MOB3A: variants seen among roughly 807,000 people sequenced by gnomAD.
MOB3A encodes the protein MOB kinase activator 3A, also known as MOB LAK.
MOB3A carries 17 observed loss-of-function variants against 17.8 expected under a neutral mutation model. The ratio of observed to expected loss-of-function variants is 0.95; its 90% confidence interval spans 0.65 to 1.43. The LOEUF is 1.43. Among genes scored for constraint, MOB3A ranks in the 40% most tolerant of loss-of-function variants. The probability of loss-of-function intolerance (pLI) is 0.00; values close to 1 mark genes in which losing one functional copy is unlikely to be tolerated. For synonymous variants in MOB3A, 124 were observed against 133.2 expected, an observed-to-expected ratio of 0.93 and a Z score of 0.48; for missense variants, 333 against 310.8, an observed-to-expected ratio of 1.07 and a Z score of -0.54.
Position 2,076,954 on chromosome 19 carries a change from G to A in MOB3A, c.481C>T (p.Arg161Cys), listed in dbSNP as rs1179793963. ...TVRKILSRLF[R>C]VFVHVYIHHF... ...TGGATGTAGACGTGCACGAACACGC[G>A]GAACAGCCGCGACAGGATCTTCCGC... is the stretch of plus-strand genomic sequence containing the variant. The change falls in exon 4 of 5, where the codon CGC becomes TGC. Residue 161 changes from arginine to cysteine, a missense_variant. Physicochemically the swap from Arg to Cys is radical, Grantham distance 180. Transcript: ENST00000357066. The A allele has an allele frequency of 5.0e-6, 8 of 1,613,916 alleles. No individual in the cohort carries two copies. Among genetic ancestry groups the A allele is most frequent in the East Asian group, 2.2e-5 (1 of 44,888 alleles).
At chr19:2,086,785 C>G (rs2017558951) in intron 1 of MOB3A, among the ~76,000 whole-genome samples, 1 of 151,676 alleles carries the variant, frequency 6.6e-6, no homozygotes, top group South Asian at 2.1e-4. Flanking sequence ...GTGCTTTTGT[C>G]TGGTTTACAT....
In MOB3A at chr19:2,093,890, C is replaced by T. The variant is rs1337314944; in HGVS notation, c.-274+2336G>A. ...GGATTTCACTTTCTTAGTTCTCACT[C>T]TGTAATCGGTAGATCTCAGTGAGTT... On this transcript the variant is annotated intron_variant, in intron 1 of 4. Coordinates refer to ENST00000357066, the MANE Select transcript of MOB3A (RefSeq NM_130807.3). The surrounding 1 kb of genome is among the most constrained non-coding windows in gnomAD (Gnocchi z 4.6). Among the ~76,000 whole-genome samples the T allele has an allele frequency of 6.6e-6, 1 of 152,102 alleles. No homozygotes were observed. Among genetic ancestry groups the T allele is most frequent in the South Asian group, 2.1e-4 (1 of 4,826 alleles).
Position 2,078,400 on chromosome 19 carries a change from C to A in MOB3A, c.161G>T (p.Gly54Val). ...DLRLAVQLPP[G>V]EDLNDWVAVH... ...AGCCACCCAGTCGTTCAGGTCCTCG[C>A]CCGGGGGCAACTGCACGGCCAGCCG... The change falls in exon 3 of 5, where the codon GGC becomes GTC. Residue 54 changes from glycine to valine, a missense_variant. Gly to Val is a moderately radical substitution (Grantham distance 109). Transcript: ENST00000357066. 5 of 1,614,128 alleles carry A rather than the reference C, an allele frequency of 3.1e-6. No individual in the cohort carries two copies. Among genetic ancestry groups the A allele is most frequent in the Non-Finnish European group, 4.2e-6 (5 of 1,180,004 alleles).
chr19:2,076,782 C>T (rs1347518354), intron 4 of MOB3A, 29 bp downstream of exon 4: 8 of 1,608,508 alleles, frequency 5.0e-6, no homozygotes, highest in African/African-American at 1.3e-5. Flanking sequence ...CCACCGTAAC[C>T]GCACGCCCTC....
rs182760836 is a variant in MOB3A at position 2,086,202 on chromosome 19, G to A, written c.-273-874C>T. 2.7e-3 allele frequency among the ~76,000 whole-genome samples: 414 copies of A among 151,260 alleles called. 2 individuals are homozygous for A. The highest frequency in any genetic ancestry group is 8.8e-3 in the African/African-American group (361 of 41,202). On this transcript the variant is annotated intron_variant, in intron 1 of 4. Coordinates refer to ENST00000357066, the MANE Select transcript of MOB3A (RefSeq NM_130807.3). The stretch of plus-strand genomic sequence containing the variant: ...ACTACAGGTGCCCGCTACAACGCCC[G>A]ACTAATTTTGTATTTTTAGTAGAGG...
chr19:2,089,007 C>A (rs747913917), intron 1 of MOB3A, among the ~76,000 whole-genome samples: 39 of 152,178 alleles, frequency 2.6e-4, no homozygotes, highest in Non-Finnish European at 5.3e-4. Flanking sequence ...TCTGGCCATC[C>A]GTGTTTCTCC....
chr19:2,087,867 C>T (rs963462417), intron 1 of MOB3A, among the ~76,000 whole-genome samples: 2 of 152,194 alleles, frequency 1.3e-5, no homozygotes, highest in African/African-American at 2.4e-5. Flanking sequence ...AACCCAGGGC[C>T]GCAGGATCTG....
chr19:2,087,680 T>C (rs1445894836), intron 1 of MOB3A, among the ~76,000 whole-genome samples: 1 of 152,156 alleles, frequency 6.6e-6, no homozygotes, highest in Non-Finnish European at 1.5e-5. Context: ...TCGTGTCACC[T>C]AGGGGACAGT....
At chr19:2,088,249 G>C (rs1197746397) in intron 1 of MOB3A, among the ~76,000 whole-genome samples, 1 of 152,206 alleles carries the variant, frequency 6.6e-6, no homozygotes, top group East Asian at 1.9e-4. Flanking sequence ...ACAGTGCCGA[G>C]GGGGACAAAG....
intron 1 of MOB3A, among the ~76,000 whole-genome samples, chr19:2,088,073 G>A (rs1021492713): frequency 5.3e-5 from 8 of 152,186 alleles, no homozygotes; most frequent in Non-Finnish European, 8.8e-5. Context: ...CCTGGGGGGC[G>A]ATTCTGCACC....
rs1032462698 is a variant in MOB3A, at chr19:2,093,435, G to A, written c.-274+2791C>T. ...GACTTCAGAAACGGGATTCTGGGAG[G>A]AGGCCTTCACTTCTGCCTTTCGGAA... On this transcript the variant is annotated intron_variant, in intron 1 of 4. Coordinates refer to ENST00000357066, the MANE Select transcript of MOB3A (RefSeq NM_130807.3). The surrounding 1 kb of genome is among the most constrained non-coding windows in gnomAD (Gnocchi z 4.6). Among the ~76,000 whole-genome samples the A allele has an allele frequency of 3.3e-5, 5 of 152,162 alleles. No individual in the cohort carries two copies.
At chr19:2,087,589 A>G (rs2017567747) in intron 1 of MOB3A, among the ~76,000 whole-genome samples, 1 of 152,232 alleles carries the variant, frequency 6.6e-6, no homozygotes, top group African/African-American at 2.4e-5. Context: ...CAGGAGATCA[A>G]GGCTGCAGTG....
chr19:2,077,972 ATGGGATC>A (rs1470330892), intron 3 of MOB3A, among the ~76,000 whole-genome samples, 161 bp downstream of exon 3: 1 of 151,884 alleles, frequency 6.6e-6, no homozygotes, highest in East Asian at 1.9e-4. Flanking sequence ...TTTTGTAGAG[ATGGGATC>A]TTGCTATGTT....
chr19:2,076,911 G>A lies in MOB3A; in HGVS notation c.524C>T (p.Ala175Val), dbSNP rs762563833. ...HVYIHHFDRI[A>V]QMGSEAHVNT... ...CACGTGGGCCTCGGAGCCCATCTGC[G>A]CGATGCGGTCAAAGTGGTGGATGTA... is the stretch of plus-strand genomic sequence containing the variant. Residue 175 changes from alanine (A) to valine (V), a missense_variant, in exon 4 of 5, where the codon GCG (alanine) becomes GTG (valine). Physicochemically the swap from Ala to Val is moderately conservative, Grantham distance 64. Transcript: ENST00000357066. The A allele has an allele frequency of 5.6e-6, 9 of 1,613,998 alleles. No individual in the cohort carries two copies. The highest frequency in any genetic ancestry group is 3.3e-5 in the Admixed American group (2 of 60,008).
At chr19:2,077,407 A>AAAAAAAG (rs1340151857) in intron 3 of MOB3A, among the ~76,000 whole-genome samples, 1 of 152,030 alleles carries the variant, frequency 6.6e-6, no homozygotes, top group African/African-American at 2.4e-5. Flanking sequence ...GTCTCAAAAA[A>AAAAAAAG]AAAAAGAAAA....
At position 2,093,456 on chromosome 19, in the gene MOB3A, C is replaced by T. The variant is rs1233879303; in HGVS notation, c.-274+2770G>A. Among the ~76,000 whole-genome samples, 2 of 152,180 alleles carry T rather than the reference C, an allele frequency of 1.3e-5. No individual in the cohort carries two copies. Among genetic ancestry groups the T allele is most frequent in the Non-Finnish European group, 2.9e-5 (2 of 68,036 alleles). On this transcript the variant is annotated intron_variant, in intron 1 of 4. Coordinates refer to ENST00000357066, the MANE Select transcript of MOB3A (RefSeq NM_130807.3). This position sits in a 1 kb window ranked among gnomAD's most constrained non-coding sequence, Gnocchi z 4.6. ...GGAGGAGGCCTTCACTTCTGCCTTT[C>T]GGAATCCCAGAGAAGTCTCTGGAAC...
intron 2 of MOB3A, among the ~76,000 whole-genome samples, chr19:2,079,546 G>A (rs1264686000): frequency 1.3e-5 from 2 of 152,242 alleles, no homozygotes; most frequent in East Asian, 3.8e-4. Flanking sequence ...CGCCCAGGAT[G>A]CTGGCCACCG....
intron 2 of MOB3A, among the ~76,000 whole-genome samples, chr19:2,083,592 G>GTGCA (rs1235467011): frequency 6.6e-6 from 1 of 152,178 alleles, no homozygotes; most frequent in Non-Finnish European, 1.5e-5. Context: ...AGAGGAAACC[G>GTGCA]TGCAGGCGAG....
rs2017332591 is a variant in MOB3A at position 2,071,272 on chromosome 19, C to T, written c.*2123G>A. ...AGGAGATACATTTCATCAAGCAGTT[C>T]CTGATTTCATGGAGTTCTTTGAGGG... On this transcript the variant is annotated 3_prime_UTR_variant, in exon 5 of 5. Transcript: ENST00000357066. 6.6e-6 allele frequency: 1 copy of T among 152,248 alleles called. No homozygotes were observed. The highest frequency in any genetic ancestry group is 1.5e-5 in the Non-Finnish European group (1 of 68,076). 9.4% of individuals were successfully genotyped at this position (152,248 alleles called of 1,614,324 possible).
Sources: allele counts gnomAD v4.1 joint callset (sites outside exome capture counted in the v4.1 genomes callset), GRCh38; gene constraint gnomAD v4.1.1; non-coding constraint Gnocchi (gnomAD v3.1); transcripts MANE v1.5; gene names NCBI Gene and HGNC (gene_info 2026-07-23, HGNC 2026-07-21).